The following ANXA3 variants were observed in gnomAD, a reference collection of about 807,000 sequenced individuals.
ANXA3 encodes 35-alpha calcimedin.
In ANXA3, 46 loss-of-function variants were observed where a neutral mutation model predicts 48.8. The ratio of observed to expected loss-of-function variants is 0.94; its 90% CI spans 0.74 to 1.21. The LOEUF is 1.21. ANXA3 is among the 50% of genes most tolerant of loss of function. The pLI, the probability that ANXA3 is intolerant of heterozygous loss-of-function variation, is 0.00. For missense variants in ANXA3, 383 were observed against 378.6 expected, an observed-to-expected ratio of 1.01 and a Z score of -0.10; for synonymous variants, 128 against 134.7, an observed-to-expected ratio of 0.95 and a Z score of 0.35.
intron 7 of ANXA3, among the ~76,000 whole-genome samples, chr4:78,593,091 T>C (rs1341858102): frequency 6.7e-6 from 1 of 148,184 alleles, no homozygotes; most frequent in Non-Finnish European, 1.5e-5. Flanking sequence ...TGTGCTTAAG[T>C]ATTTGTACAT....
Position 78,609,052 on chromosome 4 carries a change from G to A in ANXA3, c.913-1004G>A, listed in dbSNP as rs895953539. ...TAAGAACTAAAATCTATATAAAAAC[G>A]AAGAATATTGTCATATATTTTGTGA... is the stretch of plus-strand genomic sequence containing the variant. On this transcript the variant is annotated intron_variant, in intron 12 of 12. Coordinates refer to ENST00000264908, the MANE Select transcript of ANXA3 (RefSeq NM_005139.3). Among the ~76,000 whole-genome samples, 5 of 152,192 alleles carry A rather than the reference G, an allele frequency of 3.3e-5. No homozygotes were observed. The South Asian group carries it at 8.3e-4, about 25-fold the overall frequency.
intron 2 of ANXA3, among the ~76,000 whole-genome samples, chr4:78,562,235 GA>G (rs869195300): frequency 6.8e-6 from 1 of 147,144 alleles, no homozygotes; most frequent in African/African-American, 2.5e-5. Context: ...TAGAAAAAAA[GA>G]AGTATATAGA....
intron 4 of ANXA3, 89 bp from the exon 5 acceptor site, chr4:78,582,088 T>C (rs1240552756): frequency 1.3e-6 from 1 of 752,448 alleles, no homozygotes; most frequent in Non-Finnish European, 2.3e-6. Flanking sequence ...TTGTCTGATT[T>C]TGATACATAT....
In ANXA3 at chr4:78,593,113, C is replaced by CCACACACACACA. The variant is rs59972919; in HGVS notation, c.483+1518_483+1529dup. ...AAGTATTTGTACATGAACACACATA[C>CCACACACACACA]CACACACACACACACACACACACAC... On this transcript the variant is annotated intron_variant, in intron 7 of 12. Coordinates refer to ENST00000264908, the MANE Select transcript of ANXA3 (RefSeq NM_005139.3). 8.4e-3 allele frequency among the ~76,000 whole-genome samples: 1,204 copies of CCACACACACACA among 144,010 alleles called. 9 individuals carry two copies. The highest frequency in any genetic ancestry group is 0.012 in the Non-Finnish European group (808 of 65,954). 94.5% of individuals were successfully genotyped at this position (144,010 alleles called of 152,430 possible). A position where few individuals can be genotyped will look rare whatever the true frequency, so the allele number is the denominator to read the frequency against.
intron 9 of ANXA3, 65 bp from the exon 10 acceptor site, chr4:78,597,254 A>AC: frequency 8.4e-6 from 9 of 1,066,686 alleles, no homozygotes; most frequent in Non-Finnish European, 1.1e-5. Flanking sequence ...CAAATAAAAA[A>AC]CTAGAATATA....
intron 11 of ANXA3, 158 bp downstream of exon 11, chr4:78,601,726 A>T (rs1201033215): frequency 7.3e-6 from 4 of 548,252 alleles, no homozygotes; most frequent in Middle Eastern, 4.7e-4. Flanking sequence ...GATACAATAC[A>T]CTCTTTACAC....
In ANXA3 at chr4:78,591,402, G is replaced by A. The variant is rs1340496700; in HGVS notation, c.404-142G>A. 3 of 605,004 alleles carry A rather than the reference G, an allele frequency of 5.0e-6. No individual in the cohort carries two copies. In the African/African-American group the frequency reaches 5.6e-5, roughly 11 times the overall value. The allele number at this position is 605,004 out of a possible 1,614,324, so 37.5% of individuals were successfully genotyped here. On this transcript the variant is annotated intron_variant, in intron 6 of 12. Coordinates refer to ENST00000264908, the MANE Select transcript of ANXA3 (RefSeq NM_005139.3). ...GAATGTACCATCTCACAACAGAAAAGCATGAAGAAATTAAATAAAAGGGCA... is the reference window on the plus strand; with the variant it reads ...GAATGTACCATCTCACAACAGAAAAACATGAAGAAATTAAATAAAAGGGCA...
intron 9 of ANXA3, chr4:78,596,928 TC>T (rs1185572866): frequency 1.1e-5 from 2 of 189,644 alleles, no homozygotes; most frequent in Admixed American, 6.3e-5. Context: ...AATTAAGATT[TC>T]TTTACCAGAG....
intron 2 of ANXA3, among the ~76,000 whole-genome samples, chr4:78,554,905 A>G (rs1301961946): frequency 6.6e-6 from 1 of 152,154 alleles, no homozygotes; most frequent in Non-Finnish European, 1.5e-5. Flanking sequence ...ACAGAAATGA[A>G]GAAGATGAAA....
chr4:78,578,028 C>A (rs751133662), intron 3 of ANXA3, among the ~76,000 whole-genome samples: 1 of 151,746 alleles, frequency 6.6e-6, no homozygotes, highest in African/African-American at 2.4e-5. Context: ...CCTGAAATCC[C>A]GGCACTTTGG....
intron 5 of ANXA3, among the ~76,000 whole-genome samples, chr4:78,585,111 T>A (rs898595206): frequency 6.6e-6 from 1 of 152,252 alleles, no homozygotes; most frequent in African/African-American, 2.4e-5. Flanking sequence ...AGTTGGAGGC[T>A]GTTAGCTAAC....
chr4:78,605,824 A>G (rs2109827706), intron 12 of ANXA3, among the ~76,000 whole-genome samples: 1 of 152,390 alleles, frequency 6.6e-6, no homozygotes, highest in African/African-American at 2.4e-5. Context: ...CCTGACAAAA[A>G]TTGTACAAGA....
Position 78,574,748 on chromosome 4 carries a change from T to C in ANXA3, c.103+1481T>C, listed in dbSNP as rs557802591. Reference sequence around the variant, plus strand: ...TCTATTGCATCACTATATCAGAAGATGGGAATATTGATGGAACATTTAAAT... The same window carrying C: ...TCTATTGCATCACTATATCAGAAGACGGGAATATTGATGGAACATTTAAAT... On this transcript the variant is annotated intron_variant, in intron 3 of 12. Transcript: ENST00000264908. 2.6e-5 allele frequency among the ~76,000 whole-genome samples: 4 copies of C among 152,366 alleles called. No homozygotes were observed. The South Asian group carries it at 8.3e-4, about 32-fold the overall frequency.
At chr4:78,596,193 T>C (rs1723421134) in intron 9 of ANXA3, among the ~76,000 whole-genome samples, 3 of 152,194 alleles carry the variant, frequency 2.0e-5, no homozygotes. Context: ...CTTGTTCCTG[T>C]GGAATGGAGA....
chr4:78,595,774 TATC>T lies in ANXA3; in HGVS notation c.541-17_541-15del, dbSNP rs749478664. 4 of 1,482,274 alleles carry T rather than the reference TATC, an allele frequency of 2.7e-6. No individual in the cohort carries two copies. The highest frequency in any genetic ancestry group is 2.3e-5 in the South Asian group (2 of 86,780). 91.8% of individuals were successfully genotyped at this position (1,482,274 alleles called of 1,614,324 possible). On this transcript the variant is annotated splice_polypyrimidine_tract_variant and intron_variant, in intron 8 of 12. Transcript: ENST00000264908. ...AAAAAGAAAATAATTGTGTCTCTAA[TATC>T]ATTCTCTTGTGAATAGATTCTCTAT...
At chr4:78,595,343 CT>C (rs1560449810) in intron 7 of ANXA3, 37 bp from the exon 8 acceptor site, 1 of 1,609,556 alleles carries the variant, frequency 6.2e-7, no homozygotes, top group Non-Finnish European at 8.5e-7. Flanking sequence ...AATCTTCTAT[CT>C]TTAAAGGATG....
intron 2 of ANXA3, among the ~76,000 whole-genome samples, chr4:78,557,636 C>T (rs546815817): frequency 6.6e-6 from 1 of 151,222 alleles, no homozygotes; most frequent in African/African-American, 2.4e-5. Context: ...CAAACCCACA[C>T]GTGGAGAAAG....
intron 2 of ANXA3, among the ~76,000 whole-genome samples, chr4:78,566,079 A>G (rs1256551960): frequency 2.0e-5 from 3 of 152,232 alleles, no homozygotes; most frequent in African/African-American, 4.8e-5. Flanking sequence ...AGGTGAGTGC[A>G]TCCTGGAGAG....
chr4:78,601,656 A>G, intron 11 of ANXA3, 88 bp downstream of exon 11: 1 of 1,111,180 alleles, frequency 9.0e-7, no homozygotes, highest in Non-Finnish European at 1.3e-6. Context: ...TTTAAAAATT[A>G]GTTATTTTAA....
Sources: allele counts gnomAD v4.1 joint callset (sites outside exome capture counted in the v4.1 genomes callset), GRCh38; gene constraint gnomAD v4.1.1; transcripts MANE v1.5; gene names NCBI Gene and HGNC (gene_info 2026-07-23, HGNC 2026-07-21).